Variants in NEK6 observed in about 807,000 individuals in gnomAD.
NEK6 encodes the protein NIMA related kinase 6.
In NEK6, 27 loss-of-function variants were observed where a neutral mutation model predicts 43.5. That is an observed-to-expected ratio of 0.62 (90% CI 0.46 to 0.86). The LOEUF (loss-of-function observed/expected upper bound fraction) is 0.86. Among genes scored for constraint, NEK6 ranks in the 40% least tolerant of loss-of-function variants. The probability of loss-of-function intolerance (pLI) is 0.00; values close to 1 mark genes in which losing one functional copy is unlikely to be tolerated. For synonymous variants in NEK6, 167 were observed against 164.1 expected (o/e 1.02, Z -0.14); for missense variants, 318 against 414.4 (o/e 0.77, Z 2.02).
At chr9:124,341,084 C>G (rs914292860) in intron 8 of NEK6, among the ~76,000 whole-genome samples, 11 of 152,142 alleles carry the variant, frequency 7.2e-5, no homozygotes, top group Admixed American at 3.9e-4. Flanking sequence ...CTCTTGTCGC[C>G]CGGGCTGGAG....
intron 1 of NEK6, among the ~76,000 whole-genome samples, chr9:124,281,402 G>A (rs532798959): frequency 8.6e-5 from 13 of 151,912 alleles, no homozygotes; most frequent in South Asian, 2.1e-4. Flanking sequence ...GCCTAGGGCC[G>A]TGTGAAGTCT....
intron 1 of NEK6, chr9:124,292,066 C>T: frequency 9.8e-7 from 1 of 1,025,366 alleles, no homozygotes; most frequent in Admixed American, 5.3e-5. Context: ...TTCCCTGGAG[C>T]TTCTCAGGAG....
intron 8 of NEK6, among the ~76,000 whole-genome samples, chr9:124,342,293 A>G (rs1829672582): frequency 6.6e-6 from 1 of 152,230 alleles, no homozygotes; most frequent in African/African-American, 2.4e-5. Context: ...GGCCCAGGCT[A>G]ATGCCCGCAG....
Position 124,314,472 on chromosome 9 carries a change from A to AGTG in NEK6, c.294+510_294+512dup, listed in dbSNP as rs764779237. On this transcript the variant is annotated intron_variant, in intron 4 of 9. Transcript: ENST00000320246. ...AGCCTTTTTCTTTGGTTTTGTTGGTAGTGGTGGTGGTGGTGGTGGTGGTGG... is the reference window on the plus strand; with the variant it reads ...AGCCTTTTTCTTTGGTTTTGTTGGTAGTGGTGGTGGTGGTGGTGGTGGTGGTGG... Among the ~76,000 whole-genome samples the AGTG allele has an allele frequency of 1.6e-3, 227 of 144,540 alleles. 1 individual carries two copies. The highest frequency in any genetic ancestry group is 0.013 in the East Asian group (64 of 4,848). The allele number at this position is 144,540 out of a possible 152,430, so 94.8% of individuals were successfully genotyped here.
intron 1 of NEK6, among the ~76,000 whole-genome samples, chr9:124,288,994 T>G (rs1832280702): frequency 6.6e-6 from 1 of 152,124 alleles, no homozygotes; most frequent in Non-Finnish European, 1.5e-5. Context: ...GTTTTTTGTT[T>G]TTTTAGAAAG....
chr9:124,298,133 A>C (rs1017314986), intron 1 of NEK6, among the ~76,000 whole-genome samples: 1 of 152,196 alleles, frequency 6.6e-6, no homozygotes, highest in Non-Finnish European at 1.5e-5. Flanking sequence ...CATCTATAAA[A>C]TGGGTCTACC....
intron 1 of NEK6, among the ~76,000 whole-genome samples, chr9:124,280,216 G>T (rs1001976751): frequency 5.9e-5 from 9 of 152,286 alleles, no homozygotes; most frequent in African/African-American, 1.4e-4. Flanking sequence ...CTCAGAAAAA[G>T]TGTGTCCTGT....
chr9:124,311,020 A>G (rs1040280729), intron 2 of NEK6, among the ~76,000 whole-genome samples: 2 of 152,234 alleles, frequency 1.3e-5, no homozygotes, highest in Non-Finnish European at 2.9e-5. Flanking sequence ...TGGGAGAAGG[A>G]CAGAGGAGAA....
chr9:124,302,791 C>T (rs779665110), intron 2 of NEK6, among the ~76,000 whole-genome samples: 61 of 152,216 alleles, frequency 4.0e-4, no homozygotes, highest in Non-Finnish European at 3.7e-4. Context: ...GGGTGATGCC[C>T]GTGATCACAT....
chr9:124,346,966 C>T (rs769088010), intron 8 of NEK6, among the ~76,000 whole-genome samples: 3 of 152,222 alleles, frequency 2.0e-5, no homozygotes, highest in Admixed American at 6.5e-5. Context: ...TGGGTGGGGA[C>T]ATTTTACAAA....
In NEK6 at chr9:124,281,666, A is replaced by G. The variant is rs1045343024; in HGVS notation, c.-29-20270A>G. On this transcript the variant is annotated intron_variant, in intron 1 of 9. Coordinates refer to ENST00000320246, the MANE Select transcript of NEK6 (RefSeq NM_014397.6). ...CAGGTGCCTGCCACCACACCCAGCT[A>G]ATTTTGTATTTTAGTAGAGACAGGG... Among the ~76,000 whole-genome samples the G allele has an allele frequency of 2.0e-5, 3 of 151,554 alleles. No homozygotes were observed. The South Asian group carries it at 6.3e-4, about 32-fold the overall frequency.
At chr9:124,280,682 G>A (rs758980212) in intron 1 of NEK6, among the ~76,000 whole-genome samples, 4 of 152,210 alleles carry the variant, frequency 2.6e-5, no homozygotes, top group South Asian at 2.1e-4. Context: ...CTGGCACCTC[G>A]CTCTGTGGCT....
At chr9:124,298,989 A>C (rs1832830114) in intron 1 of NEK6, among the ~76,000 whole-genome samples, 1 of 152,206 alleles carries the variant, frequency 6.6e-6, no homozygotes. Flanking sequence ...AGACCATGGC[A>C]TCTGGCTGCA....
intron 7 of NEK6, among the ~76,000 whole-genome samples, chr9:124,335,551 G>A (rs549396832): frequency 6.6e-6 from 1 of 152,380 alleles, no homozygotes; most frequent in South Asian, 2.1e-4. Flanking sequence ...GCAGCCATCA[G>A]TTAAATGAGC....
chr9:124,350,007 C>T (rs1450625262), intron 9 of NEK6, among the ~76,000 whole-genome samples: 1 of 152,212 alleles, frequency 6.6e-6, no homozygotes. Context: ...AGCAGTAGCC[C>T]CCGGGCCTCC....
intron 9 of NEK6, among the ~76,000 whole-genome samples, chr9:124,348,212 G>C (rs1356565548): frequency 1.3e-5 from 2 of 152,208 alleles, no homozygotes; most frequent in African/African-American, 4.8e-5. Context: ...TACCACCAGT[G>C]GTGGCCACTC....
At chr9:124,323,373 G>A (rs1316758802) in intron 5 of NEK6, among the ~76,000 whole-genome samples, 1 of 152,212 alleles carries the variant, frequency 6.6e-6, no homozygotes, top group Non-Finnish European at 1.5e-5. Flanking sequence ...TCCAGGCTCG[G>A]GGTCCAGGAC....
intron 2 of NEK6, among the ~76,000 whole-genome samples, chr9:124,307,276 G>A (rs1357969075): frequency 6.6e-6 from 1 of 152,086 alleles, no homozygotes; most frequent in Non-Finnish European, 1.5e-5. Context: ...TTCTGGGTGG[G>A]GGGTAGCTAT....
Position 124,275,462 on chromosome 9 carries a change from C to T in NEK6, c.-30+17377C>T, listed in dbSNP as rs920311773. Reference sequence around the variant, plus strand: ...AAGTGTCAGCTCCAGCTGCCTGCCCCCGCCTGCCGGGCCCTGTCCTCTGCC... The same window carrying T: ...AAGTGTCAGCTCCAGCTGCCTGCCCTCGCCTGCCGGGCCCTGTCCTCTGCC... On this transcript the variant is annotated intron_variant, in intron 1 of 9. Transcript: ENST00000320246. This position sits in a 1 kb window ranked among gnomAD's most constrained non-coding sequence, Gnocchi z 4.4. 2.6e-5 allele frequency among the ~76,000 whole-genome samples: 4 copies of T among 152,236 alleles called. No homozygotes were observed. The highest frequency in any genetic ancestry group is 9.6e-5 in the African/African-American group (4 of 41,462).
Sources: gnomAD v4.1 joint callset for allele counts (sites outside exome capture counted in the v4.1 genomes callset) on GRCh38, gnomAD v4.1.1 for gene constraint, Gnocchi (gnomAD v3.1) non-coding constraint, MANE v1.5 for transcripts, NCBI Gene and HGNC (gene_info 2026-07-23, HGNC 2026-07-21) for gene names.